NUAK1: variants seen among roughly 807,000 people sequenced by gnomAD.
The protein encoded by NUAK1 is NUAK family SNF1-like kinase 1.
NUAK1 carries 26 observed loss-of-function variants against 56.9 expected under a neutral mutation model. The observed-to-expected ratio is 0.46, with a 90% CI of 0.33 to 0.63. The LOEUF (loss-of-function observed/expected upper bound fraction) is 0.63, where lower values mean the gene tolerates loss of function less well. Ranked by LOEUF, NUAK1 falls within the 30% of genes least tolerant of loss-of-function variation. The pLI, the probability that NUAK1 is intolerant of heterozygous loss-of-function variation, is 0.02. For synonymous variants in NUAK1, 337 were observed against 336.0 expected (o/e 1.00, Z -0.03); for missense variants, 727 against 876.1 (o/e 0.83, Z 2.15).
chr12:106,110,487 G>A (rs778121240), intron 1 of NUAK1, among the ~76,000 whole-genome samples: 3 of 152,004 alleles, frequency 2.0e-5, no homozygotes, highest in South Asian at 2.1e-4. Flanking sequence ...CCGGCATTGC[G>A]GAGGAAACCT....
chr12:106,104,843 A>C (rs985674433), intron 2 of NUAK1, among the ~76,000 whole-genome samples: 2 of 152,252 alleles, frequency 1.3e-5, no homozygotes, highest in Non-Finnish European at 2.9e-5. Context: ...AGGGAACCAG[A>C]TGAAAAACGA....
chr12:106,088,620 C>T (rs1000209693), intron 2 of NUAK1, among the ~76,000 whole-genome samples: 17 of 152,184 alleles, frequency 1.1e-4, no homozygotes, highest in Non-Finnish European at 4.4e-5. Context: ...AACTACAAAA[C>T]GTGAATAATA....
chr12:106,114,910 C>T (rs1033222983), intron 1 of NUAK1, among the ~76,000 whole-genome samples: 2 of 152,216 alleles, frequency 1.3e-5, no homozygotes, highest in African/African-American at 4.8e-5. Context: ...ACTTGTGCTG[C>T]AGCTTGGTGT....
intron 4 of NUAK1, among the ~76,000 whole-genome samples, chr12:106,074,841 C>T (rs574905850): frequency 3.9e-5 from 6 of 152,242 alleles, no homozygotes; most frequent in African/African-American, 9.6e-5. Flanking sequence ...ATGCATTCTC[C>T]GGGCTCAGAT....
At chr12:106,069,497 G>A (rs893497431) in intron 6 of NUAK1, among the ~76,000 whole-genome samples, 1 of 152,172 alleles carries the variant, frequency 6.6e-6, no homozygotes, top group African/African-American at 2.4e-5. Context: ...GAAGATAAGT[G>A]TCTTAGATCA....
Position 106,106,381 on chromosome 12 carries a change from TTAA to T in NUAK1, c.361+21_361+23del, listed in dbSNP as rs769004801. On this transcript the variant is annotated intron_variant, in intron 2 of 6. Coordinates refer to ENST00000261402, the MANE Select transcript of NUAK1 (RefSeq NM_014840.3). ...TGAGAAATGGTAACTGATATGGGGGTTAAAAAAAAAAAAAATCACTGACCTTCA... is the reference window on the plus strand; with the variant it reads ...TGAGAAATGGTAACTGATATGGGGGTAAAAAAAAAAAATCACTGACCTTCA... 3,705 of 916,056 alleles carry T rather than the reference TTAA, an allele frequency of 4.0e-3. 1 individual carries two copies. The highest frequency in any genetic ancestry group is 9.0e-3 in the South Asian group (411 of 45,616). 56.7% of individuals were successfully genotyped at this position (916,056 alleles called of 1,614,324 possible).
intron 2 of NUAK1, among the ~76,000 whole-genome samples, chr12:106,088,768 T>C (rs2032601755): frequency 6.6e-6 from 1 of 152,204 alleles, no homozygotes; most frequent in South Asian, 2.1e-4. Context: ...CCCCAGAGCC[T>C]AGCACCAAGG....
rs1027514557 is a variant in NUAK1 at position 106,113,296 on chromosome 12, T to C, written c.241-6771A>G. 9.3e-4 allele frequency among the ~76,000 whole-genome samples: 141 copies of C among 151,888 alleles called. 1 individual carries two copies. The highest frequency in any genetic ancestry group is 2.2e-4 in the Non-Finnish European group (15 of 67,972). ...GCTGACCAGGCAAGAACCAAAGAAATAGCAAAAAGGCCACCGGAAAGTTCG... is the reference window on the plus strand; with the variant it reads ...GCTGACCAGGCAAGAACCAAAGAAACAGCAAAAAGGCCACCGGAAAGTTCG... On this transcript the variant is annotated intron_variant, in intron 1 of 6. Transcript: ENST00000261402.
At chr12:106,111,022 A>AGGGCT (rs2136474214) in intron 1 of NUAK1, among the ~76,000 whole-genome samples, 1 of 152,232 alleles carries the variant, frequency 6.6e-6, no homozygotes, top group African/African-American at 2.4e-5. Flanking sequence ...TGACCTAGGA[A>AGGGCT]GGGCTGGGGG....
At chr12:106,101,583 C>A (rs1189485656) in intron 2 of NUAK1, among the ~76,000 whole-genome samples, 1 of 152,148 alleles carries the variant, frequency 6.6e-6, no homozygotes, top group African/African-American at 2.4e-5. Context: ...AGGAGAGAGG[C>A]CTGGAACAGA....
At chr12:106,092,269 A>T (rs1297530935) in intron 2 of NUAK1, among the ~76,000 whole-genome samples, 1 of 152,170 alleles carries the variant, frequency 6.6e-6, no homozygotes, top group Admixed American at 6.5e-5. Context: ...CTGTAATCCC[A>T]GCACTTTGGG....
chr12:106,073,246 G>A (rs1052921944), intron 4 of NUAK1, among the ~76,000 whole-genome samples: 1 of 152,084 alleles, frequency 6.6e-6, no homozygotes, highest in Non-Finnish European at 1.5e-5. Context: ...TCCCTCTGTG[G>A]TCTACCCAAT....
intron 4 of NUAK1, among the ~76,000 whole-genome samples, chr12:106,077,382 T>A (rs1368379544): frequency 6.6e-6 from 1 of 152,216 alleles, no homozygotes; most frequent in Non-Finnish European, 1.5e-5. Flanking sequence ...TGGGACCAGC[T>A]GACGCTATAA....
At position 106,066,467 on chromosome 12, in the gene NUAK1, A is replaced by G. The variant is rs372587099; in HGVS notation, c.*335T>C. On this transcript the variant is annotated 3_prime_UTR_variant, in exon 7 of 7. Transcript: ENST00000261402. ...CCCCTCCTCCAGAAGCATCTGGATG[A>G]CTTCTAAGGAAATGCTCCTTCCACA... The G allele has an allele frequency of 5.6e-5, 15 of 266,676 alleles. No individual in the cohort carries two copies. The highest frequency in any genetic ancestry group is 4.6e-4 in the East Asian group (6 of 13,090). 16.5% of individuals were successfully genotyped at this position (266,676 alleles called of 1,614,324 possible). A position where few individuals can be genotyped will look rare whatever the true frequency, so the allele number is the denominator to read the frequency against.
chr12:106,097,714 C>T (rs2032709027), intron 2 of NUAK1, among the ~76,000 whole-genome samples: 1 of 152,164 alleles, frequency 6.6e-6, no homozygotes, highest in African/African-American at 2.4e-5. Flanking sequence ...CTAACCTTCT[C>T]TGCAGGGGTT....
At chr12:106,083,659 G>A (rs1560761) in intron 4 of NUAK1, among the ~76,000 whole-genome samples, 86,033 of 152,062 alleles carry the variant, frequency 0.57, 26,539 homozygotes, top group East Asian at 0.93. Context: ...AACAATGCCC[G>A]GCATATAGTA....
intron 1 of NUAK1, among the ~76,000 whole-genome samples, chr12:106,119,387 C>T (rs945311828): frequency 5.9e-5 from 9 of 152,138 alleles, no homozygotes; most frequent in East Asian, 5.8e-4. Flanking sequence ...ATGCTTGGAG[C>T]GCCATTCAGC....
chr12:106,071,992 A>G (rs1360213314), intron 5 of NUAK1, among the ~76,000 whole-genome samples: 2 of 152,226 alleles, frequency 1.3e-5, no homozygotes, highest in East Asian at 3.8e-4. Context: ...TCAAAAAGAG[A>G]ATCATCACTC....
chr12:106,066,846 G>A lies in NUAK1; in HGVS notation c.1942C>T (p.Gln648Ter), dbSNP rs1314904874. ...ATCTCCAGCGCTTGCTTGTAGACCTGAGTCACATCATCCATGTCTGTGAGG... is the reference window on the plus strand; with the variant it reads ...ATCTCCAGCGCTTGCTTGTAGACCTAAGTCACATCATCCATGTCTGTGAGG... Reference protein sequence around the residue: ...SLLTDMDDVTQVYKQALEICS... With the variant: ...SLLTDMDDVT The change falls in exon 7 of 7, where the codon CAG becomes TAG. Residue 648 changes from glutamine to a stop codon, truncating the protein, a stop_gained. Transcript: ENST00000261402. LOFTEE classifies it high-confidence loss of function. The A allele has an allele frequency of 5.0e-6, 8 of 1,614,008 alleles. No homozygotes were observed. Among genetic ancestry groups the A allele is most frequent in the African/African-American group, 1.3e-5 (1 of 74,952 alleles).
Sources: gnomAD v4.1 joint callset for allele counts (sites outside exome capture counted in the v4.1 genomes callset) on GRCh38, gnomAD v4.1.1 for gene constraint, MANE v1.5 for transcripts, NCBI Gene and HGNC (gene_info 2026-07-23, HGNC 2026-07-21) for gene names.